The following MAP2K6 variants were observed in gnomAD, a reference collection of about 807,000 sequenced individuals.
MAP2K6 encodes dual specificity mitogen-activated protein kinase kinase 6.
Under a neutral mutation model 53.7 loss-of-function variants are expected in MAP2K6, and 16 were observed. The observed-to-expected ratio is 0.30, with a 90% CI of 0.20 to 0.45. The LOEUF is 0.45. Among genes scored for constraint, MAP2K6 ranks in the 20% least tolerant of loss-of-function variants. The probability of loss-of-function intolerance (pLI) is 1.00; values close to 1 mark genes in which losing one functional copy is unlikely to be tolerated. For missense variants in MAP2K6, 204 were observed against 411.9 expected (o/e 0.50, Z 4.37); for synonymous variants, 132 against 143.1 (o/e 0.92, Z 0.55).
chr17:69,464,120 T>G (rs1030107603), intron 1 of MAP2K6, among the ~76,000 whole-genome samples: 3 of 152,164 alleles, frequency 2.0e-5, no homozygotes, highest in African/African-American at 4.8e-5. Context: ...GGAGTCTCAC[T>G]CTTGCTCAGG....
chr17:69,475,105 A>G (rs1159934747), intron 1 of MAP2K6, among the ~76,000 whole-genome samples: 1 of 151,714 alleles, frequency 6.6e-6, no homozygotes, highest in Non-Finnish European at 1.5e-5. Flanking sequence ...TATTTTCTGA[A>G]TTAGGGTTTA....
At chr17:69,466,389 A>G (rs1440789617) in intron 1 of MAP2K6, among the ~76,000 whole-genome samples, 1 of 152,162 alleles carries the variant, frequency 6.6e-6, no homozygotes, top group African/African-American at 2.4e-5. Flanking sequence ...CTCTATGGAA[A>G]AGCATATTGT....
chr17:69,437,961 AT>A (rs1906700494), intron 1 of MAP2K6, among the ~76,000 whole-genome samples: 1 of 152,264 alleles, frequency 6.6e-6, no homozygotes, highest in Non-Finnish European at 1.5e-5. Flanking sequence ...GCTTTACCAC[AT>A]TCTTCTCTTT....
chr17:69,533,113 G>C (rs186628394), intron 10 of MAP2K6, among the ~76,000 whole-genome samples: 1 of 151,996 alleles, frequency 6.6e-6, no homozygotes, highest in South Asian at 2.1e-4. Flanking sequence ...ATTTTTAGTA[G>C]AGTCGGGGTT....
chr17:69,540,605 T>G (rs938993076), intron 11 of MAP2K6, among the ~76,000 whole-genome samples: 3 of 152,246 alleles, frequency 2.0e-5, no homozygotes, highest in Non-Finnish European at 4.4e-5. Context: ...TGTTTTGAAA[T>G]GCATGGCCTC....
intron 1 of MAP2K6, among the ~76,000 whole-genome samples, chr17:69,478,044 GTC>G (rs2145188490): frequency 6.6e-6 from 1 of 152,356 alleles, no homozygotes; most frequent in South Asian, 2.1e-4. Context: ...TCAAAGTAGA[GTC>G]CAGACCAAGA....
intron 1 of MAP2K6, among the ~76,000 whole-genome samples, chr17:69,443,118 T>A (rs1906871821): frequency 6.6e-6 from 1 of 152,162 alleles, no homozygotes; most frequent in Admixed American, 6.5e-5. Context: ...CTAGTCAGCC[T>A]CTTATCTTTA....
chr17:69,415,214 G>T (rs1371372145), intron 1 of MAP2K6, among the ~76,000 whole-genome samples: 1 of 151,840 alleles, frequency 6.6e-6, no homozygotes, highest in Non-Finnish European at 1.5e-5. Flanking sequence ...GACGTTATTT[G>T]CATTCTTCTG....
chr17:69,415,527 C>T (rs1458248345), intron 1 of MAP2K6, among the ~76,000 whole-genome samples: 1 of 152,032 alleles, frequency 6.6e-6, no homozygotes, highest in Non-Finnish European at 1.5e-5. Flanking sequence ...CATTAGGTAA[C>T]TTTTGATTTT....
chr17:69,541,933 A>G lies in MAP2K6; in HGVS notation c.*180A>G. ...TTAAGGGGGCCTTGGAATCTATAGT[A>G]TAGAATGAACTGTCTAGATGGATGA... On this transcript the variant is annotated 3_prime_UTR_variant, in exon 12 of 12. Coordinates refer to ENST00000590474, the MANE Select transcript of MAP2K6 (RefSeq NM_002758.4). 2 of 498,002 alleles carry G rather than the reference A, an allele frequency of 4.0e-6. No individual in the cohort carries two copies. The highest frequency in any genetic ancestry group is 7.6e-6 in the Non-Finnish European group (2 of 264,830). 30.8% of individuals were successfully genotyped at this position (498,002 alleles called of 1,614,324 possible).
chr17:69,483,630 C>T (rs1395084787), intron 1 of MAP2K6, among the ~76,000 whole-genome samples: 2 of 151,958 alleles, frequency 1.3e-5, no homozygotes, highest in African/African-American at 2.4e-5. Context: ...ATTTAAAGGC[C>T]TCAGAATAGC....
Position 69,549,176 on chromosome 17 carries a change from T to C in MAP2K6, c.*7423T>C, listed in dbSNP as rs2144890877. 6.6e-6 allele frequency: 1 copy of C among 152,316 alleles called. No homozygotes were observed. The allele number at this position is 152,316 out of a possible 1,614,324, so 9.4% of individuals were successfully genotyped here. On this transcript the variant is annotated 3_prime_UTR_variant, in exon 12 of 12. Transcript: ENST00000590474. ...TTGGAAGAATTGTGTTGTATTTCTT[T>C]CTTAGATGTTGTCAGTATGAACAGA...
chr17:69,464,642 G>A (rs1267723510), intron 1 of MAP2K6, among the ~76,000 whole-genome samples: 5 of 152,112 alleles, frequency 3.3e-5, no homozygotes, highest in Non-Finnish European at 5.9e-5. Flanking sequence ...TCAGTCCCCC[G>A]AAGTGCTGGG....
At chr17:69,492,648 G>A (rs1214350159) in intron 1 of MAP2K6, among the ~76,000 whole-genome samples, 1 of 152,162 alleles carries the variant, frequency 6.6e-6, no homozygotes, top group Non-Finnish European at 1.5e-5. Context: ...CATTGCAGCT[G>A]CATCACCAAA....
intron 2 of MAP2K6, among the ~76,000 whole-genome samples, chr17:69,511,720 G>A (rs539742590): frequency 2.6e-5 from 4 of 152,206 alleles, no homozygotes; most frequent in Non-Finnish European, 5.9e-5. Flanking sequence ...AGGGTCTGGA[G>A]CCAGAACACT....
At chr17:69,416,871 T>C (rs1331750073) in intron 1 of MAP2K6, among the ~76,000 whole-genome samples, 5 of 152,232 alleles carry the variant, frequency 3.3e-5, no homozygotes, top group Non-Finnish European at 7.3e-5. Context: ...GGGTCTAAAC[T>C]AAATCAGGCT....
intron 1 of MAP2K6, among the ~76,000 whole-genome samples, chr17:69,475,703 A>G (rs959081625): frequency 7.2e-5 from 11 of 152,152 alleles, no homozygotes; most frequent in Non-Finnish European, 1.5e-5. Context: ...TCTTCCTAGG[A>G]GAAACCTTAT....
chr17:69,459,643 C>T (rs533180402), intron 1 of MAP2K6, among the ~76,000 whole-genome samples: 27 of 124,558 alleles, frequency 2.2e-4, no homozygotes, highest in South Asian at 2.0e-3. Context: ...ACCCGAAAGG[C>T]GGAGGCTGCA....
chr17:69,422,987 G>A (rs561434555), intron 1 of MAP2K6, among the ~76,000 whole-genome samples: 10 of 152,184 alleles, frequency 6.6e-5, no homozygotes, highest in African/African-American at 2.4e-4. Context: ...GGGTTCAAGC[G>A]ATCCTCCTGC....
Sources: allele counts gnomAD v4.1 joint callset (sites outside exome capture counted in the v4.1 genomes callset), GRCh38; gene constraint gnomAD v4.1.1; transcripts MANE v1.5; gene names NCBI Gene and HGNC (gene_info 2026-07-23, HGNC 2026-07-21).